Variants in ASPH observed in about 807,000 individuals in gnomAD.
ASPH encodes the protein aspartate beta-hydroxylase.
In ASPH, 100 loss-of-function variants were observed where a neutral mutation model predicts 118.4. The ratio of observed to expected loss-of-function variants is 0.84; its 90% confidence interval spans 0.72 to 1.00. The LOEUF is 1.00. ASPH is among the 50% of genes least tolerant of loss of function. The pLI is 0.00. For synonymous variants in ASPH, 315 were observed against 325.6 expected (o/e 0.97, Z 0.35); for missense variants, 920 against 919.5 (o/e 1.00, Z -0.01).
chr8:61,507,330 G>A (rs1218194375), intron 24 of ASPH, among the ~76,000 whole-genome samples: 1 of 152,148 alleles, frequency 6.6e-6, no homozygotes, highest in Non-Finnish European at 1.5e-5. Context: ...TATACCAAAG[G>A]GTTGTTAATT....
At chr8:61,594,566 G>A (rs1346214439) in intron 14 of ASPH, among the ~76,000 whole-genome samples, 1 of 152,172 alleles carries the variant, frequency 6.6e-6, no homozygotes, top group East Asian at 1.9e-4. Context: ...TTTTCACAGT[G>A]TCAGTTACAG....
At chr8:61,655,749 C>T (rs1265869811) in intron 3 of ASPH, among the ~76,000 whole-genome samples, 1 of 151,994 alleles carries the variant, frequency 6.6e-6, no homozygotes, top group East Asian at 1.9e-4. Flanking sequence ...AAAGCAAAAG[C>T]ACAGAGCAAA....
chr8:61,679,912 G>A (rs1827129678), intron 3 of ASPH, among the ~76,000 whole-genome samples: 1 of 137,394 alleles, frequency 7.3e-6, no homozygotes. Flanking sequence ...AAGTTTCAAT[G>A]CACAAACACT....
chr8:61,665,010 A>T (rs745712567), intron 3 of ASPH: 6 of 1,240,820 alleles, frequency 4.8e-6, no homozygotes, highest in Admixed American at 8.0e-5. Context: ...ATCTGAATAC[A>T]TGATCAATAA....
In ASPH at chr8:61,560,561, G is replaced by A. The variant is rs573025228; in HGVS notation, c.1437+2183C>T. ...TTATTAACTTAAAAGTGAGAGGACC[G>A]GAAAAAAGGCGACCCCCACACATAT... On this transcript the variant is annotated intron_variant, in intron 18 of 24. Coordinates refer to ENST00000379454, the MANE Select transcript of ASPH (RefSeq NM_004318.4). Among the ~76,000 whole-genome samples the A allele has an allele frequency of 1.2e-4, 18 of 151,314 alleles. No homozygotes were observed. The East Asian group carries it at 3.1e-3, about 26-fold the overall frequency.
At chr8:61,542,504 A>G (rs970607314) in intron 21 of ASPH, among the ~76,000 whole-genome samples, 10 of 152,334 alleles carry the variant, frequency 6.6e-5, no homozygotes, top group East Asian at 5.8e-4. Flanking sequence ...GCTCCAACAT[A>G]AATCTTTTCC....
chr8:61,577,743 C>T lies in ASPH; in HGVS notation c.1063-885G>A, dbSNP rs1361863339. ...AGATCCCCTTATAAAACCATCAGAT[C>T]TCATGAGAACTTACTATCATGAGAA... is the stretch of plus-strand genomic sequence containing the variant. On this transcript the variant is annotated intron_variant, in intron 15 of 24. Coordinates refer to ENST00000379454, the MANE Select transcript of ASPH (RefSeq NM_004318.4). Among the ~76,000 whole-genome samples the T allele has an allele frequency of 8.5e-5, 13 of 152,138 alleles. No homozygotes were observed. The South Asian group carries it at 2.5e-3, about 29-fold the overall frequency.
intron 19 of ASPH, among the ~76,000 whole-genome samples, chr8:61,553,353 G>A (rs892470013): frequency 6.6e-6 from 1 of 152,176 alleles, no homozygotes; most frequent in African/African-American, 2.4e-5. Context: ...CTGTGGAATG[G>A]CCCACAAAAT....
intron 3 of ASPH, chr8:61,662,724 T>A: frequency 2.2e-6 from 1 of 449,674 alleles, no homozygotes; most frequent in Middle Eastern, 1.2e-3. Flanking sequence ...CAAGTTCTAG[T>A]CTACAAGTGC....
chr8:61,664,779 AGCCTGGGGAGGTGTCC>A, intron 3 of ASPH: 3 of 986,920 alleles, frequency 3.0e-6, no homozygotes. Context: ...GTGGCACATG[AGCCTGGGGAGGTGTCC>A]ACGAAAGAGA....
rs1357096438 is a variant in ASPH, at chr8:61,643,969, T to C, written c.685A>G (p.Met229Val). 1.2e-6 allele frequency: 2 copies of C among 1,611,424 alleles called. No homozygotes were observed. The highest frequency in any genetic ancestry group is 1.7e-6 in the Non-Finnish European group (2 of 1,177,964). Residue 229 changes from methionine to valine, a missense_variant, in exon 8 of 25, where the codon ATG becomes GTG. Transcript: ENST00000379454. ...SQDCNQDMEE[M>V]MSEQENPDSS... ...CCTGGATTTTCCTGCTCAGACATCA[T>C]CTCTTCCATATCCTGATTACAGTCT...
At chr8:61,509,660 C>T (rs982322622) in intron 24 of ASPH, among the ~76,000 whole-genome samples, 1 of 152,168 alleles carries the variant, frequency 6.6e-6, no homozygotes, top group Admixed American at 6.5e-5. Flanking sequence ...CCTCATTTTA[C>T]CCAGCCCCTA....
intron 6 of ASPH, among the ~76,000 whole-genome samples, chr8:61,646,233 G>T (rs1243363680): frequency 2.0e-5 from 3 of 152,166 alleles, no homozygotes; most frequent in Admixed American, 6.5e-5. Flanking sequence ...ACTATCAAAG[G>T]CTGCTTTTAC....
chr8:61,534,939 T>A (rs1173371275), intron 21 of ASPH, among the ~76,000 whole-genome samples: 1 of 152,222 alleles, frequency 6.6e-6, no homozygotes, highest in Non-Finnish European at 1.5e-5. Flanking sequence ...TTGGTTTCTT[T>A]CGAGGGCTCT....
At chr8:61,639,355 G>A (rs1425935185) in intron 10 of ASPH, among the ~76,000 whole-genome samples, 5 of 152,002 alleles carry the variant, frequency 3.3e-5, no homozygotes, top group Admixed American at 2.0e-4. Context: ...TTCAGACCCT[G>A]ACCCCATCCC....
At chr8:61,507,467 T>TTTAATGTAGATTTC (rs1807058993) in intron 24 of ASPH, among the ~76,000 whole-genome samples, 1 of 152,236 alleles carries the variant, frequency 6.6e-6, no homozygotes, top group African/African-American at 2.4e-5. Context: ...ATGTAGATTT[T>TTTAATGTAGATTTC]TTAATGTAGA....
At chr8:61,576,539 G>C (rs1460860474) in intron 16 of ASPH, 1 of 429,048 alleles carries the variant, frequency 2.3e-6, no homozygotes, top group African/African-American at 2.0e-5. Context: ...AAGTGTTACT[G>C]TTTATTTTCT....
chr8:61,565,975 A>C (rs940645003), intron 17 of ASPH, among the ~76,000 whole-genome samples: 1 of 152,174 alleles, frequency 6.6e-6, no homozygotes, highest in African/African-American at 2.4e-5. Flanking sequence ...TGAATATTTT[A>C]AGCCCACTGT....
intron 22 of ASPH, among the ~76,000 whole-genome samples, chr8:61,524,269 C>T (rs1306802824): frequency 6.6e-6 from 1 of 151,816 alleles, no homozygotes; most frequent in African/African-American, 2.4e-5. Context: ...AAACCTGTAA[C>T]TGTAGGTCAG....
Sources: allele counts gnomAD v4.1 joint callset (sites outside exome capture counted in the v4.1 genomes callset), GRCh38; gene constraint gnomAD v4.1.1; transcripts MANE v1.5; gene names NCBI Gene and HGNC (gene_info 2026-07-23, HGNC 2026-07-21).